LYPLAL1: variants seen among roughly 807,000 people sequenced by gnomAD.
LYPLAL1 encodes lysophospholipase like 1.
LYPLAL1 carries 23 observed loss-of-function variants against 19.7 expected under a neutral mutation model. The ratio of observed to expected loss-of-function variants is 1.17; its 90% CI spans 0.84 to 1.65. The LOEUF is 1.65. Ranked by LOEUF, LYPLAL1 falls within the 40% of genes most tolerant of loss-of-function variation. LYPLAL1 has a pLI of 0.00. For missense variants in LYPLAL1, 355 were observed against 279.4 expected (o/e 1.27, Z -1.93); for synonymous variants, 119 against 96.3 (o/e 1.24, Z -1.38).
the LYPLAL1 span, among the ~76,000 whole-genome samples, chr1:219,307,723 T>C: frequency 6.6e-6 from 1 of 152,164 alleles, no homozygotes; most frequent in Non-Finnish European, 1.5e-5. Flanking sequence ...GGAGATAGTT[T>C]GAATCATGGA....
At chr1:219,428,180 A>G in the LYPLAL1 span, among the ~76,000 whole-genome samples, 5 of 152,206 alleles carry the variant, frequency 3.3e-5, no homozygotes, top group Non-Finnish European at 5.9e-5. Context: ...AGCAGTGGGT[A>G]TTCAGTGGAA....
At chr1:219,305,109 C>G in the LYPLAL1 span, among the ~76,000 whole-genome samples, 1 of 152,152 alleles carries the variant, frequency 6.6e-6, no homozygotes, top group Non-Finnish European at 1.5e-5. Flanking sequence ...GGACCACAGT[C>G]TGTTCTTACA....
At chr1:219,300,610 C>T in the LYPLAL1 span, among the ~76,000 whole-genome samples, 2 of 145,778 alleles carry the variant, frequency 1.4e-5, no homozygotes, top group African/African-American at 2.6e-5. Flanking sequence ...TCTGGGCTCA[C>T]TGCAAGCTCT....
At chr1:219,221,694 C>T in the LYPLAL1 span, among the ~76,000 whole-genome samples, 1 of 152,258 alleles carries the variant, frequency 6.6e-6, no homozygotes, top group South Asian at 2.1e-4. Flanking sequence ...CAGAGGCTCC[C>T]GTTGGCAACA....
At chr1:219,199,400 G>A (rs1394587845) in intron 3 of LYPLAL1, among the ~76,000 whole-genome samples, 1 of 151,580 alleles carries the variant, frequency 6.6e-6, no homozygotes, top group African/African-American at 2.4e-5. Flanking sequence ...AATTGTACAA[G>A]TAAGCATGAT....
chr1:219,245,980 G>A, the LYPLAL1 span, among the ~76,000 whole-genome samples: 4 of 152,186 alleles, frequency 2.6e-5, no homozygotes, highest in Admixed American at 2.6e-4. Flanking sequence ...TGTGTCGGGG[G>A]ATGTGGGGAG....
chr1:219,345,390 T>G, the LYPLAL1 span, among the ~76,000 whole-genome samples: 1 of 152,306 alleles, frequency 6.6e-6, no homozygotes, highest in South Asian at 2.1e-4. Context: ...GCTGCCTCTG[T>G]TTTCTCCTCT....
the LYPLAL1 span, among the ~76,000 whole-genome samples, chr1:219,301,222 A>G: frequency 1.3e-5 from 2 of 152,308 alleles, no homozygotes; most frequent in South Asian, 4.1e-4. Context: ...TGAGCATCCT[A>G]TTTATTCAAG....
chr1:219,217,178 A>T (rs1659320129), downstream of LYPLAL1, among the ~76,000 whole-genome samples: 1 of 152,140 alleles, frequency 6.6e-6, no homozygotes, highest in African/African-American at 2.4e-5. Flanking sequence ...ATCCTTATGG[A>T]TGCATTTTGC....
the LYPLAL1 span, among the ~76,000 whole-genome samples, chr1:219,304,674 AAAGT>A: frequency 2.6e-5 from 4 of 152,194 alleles, no homozygotes; most frequent in Admixed American, 6.5e-5. Context: ...TTGTGTAGTG[AAAGT>A]AAGTGAGGCA....
chr1:219,400,470 C>T, the LYPLAL1 span, among the ~76,000 whole-genome samples: 1 of 151,748 alleles, frequency 6.6e-6, no homozygotes, highest in Non-Finnish European at 1.5e-5. Context: ...AGCTGTGTGC[C>T]CTATCTATCT....
At chr1:219,379,092 T>C in the LYPLAL1 span, among the ~76,000 whole-genome samples, 1 of 152,340 alleles carries the variant, frequency 6.6e-6, no homozygotes, top group East Asian at 1.9e-4. Flanking sequence ...TCCTATACTT[T>C]AAGTTTAACC....
intron 3 of LYPLAL1, among the ~76,000 whole-genome samples, chr1:219,201,851 T>A (rs939445499): frequency 3.3e-5 from 5 of 152,230 alleles, no homozygotes; most frequent in African/African-American, 1.2e-4. Flanking sequence ...TTACCCCACT[T>A]TTCATATGCT....
the LYPLAL1 span, among the ~76,000 whole-genome samples, chr1:219,233,427 T>A: frequency 6.6e-6 from 1 of 152,170 alleles, no homozygotes; most frequent in African/African-American, 2.4e-5. Context: ...TGCACAATAG[T>A]ATTAATATAC....
chr1:219,418,561 TCTA>T, the LYPLAL1 span, among the ~76,000 whole-genome samples: 1 of 152,206 alleles, frequency 6.6e-6, no homozygotes. Context: ...ACTTCCTGCC[TCTA>T]CACATGCTCA....
chr1:219,356,439 G>A, the LYPLAL1 span, among the ~76,000 whole-genome samples: 24 of 152,280 alleles, frequency 1.6e-4, no homozygotes, highest in East Asian at 2.9e-3. Flanking sequence ...GGCGGAGGTC[G>A]CAGTGAGTTG....
At chr1:219,239,912 G>T in the LYPLAL1 span, among the ~76,000 whole-genome samples, 36 of 152,276 alleles carry the variant, frequency 2.4e-4, no homozygotes, top group African/African-American at 8.4e-4. Context: ...CAACGGATTT[G>T]CCGAAGATTC....
the LYPLAL1 span, among the ~76,000 whole-genome samples, chr1:219,392,994 G>T: frequency 3.3e-5 from 5 of 152,138 alleles, no homozygotes; most frequent in Admixed American, 6.5e-5. Context: ...TTTTGCTTGG[G>T]TCTATTGGTC....
At chr1:219,315,614 C>A in the LYPLAL1 span, among the ~76,000 whole-genome samples, 11 of 152,074 alleles carry the variant, frequency 7.2e-5, no homozygotes, top group Admixed American at 6.6e-4. Context: ...TTTCCTTGAA[C>A]CCCAAACACA....
Sources: allele counts gnomAD v4.1 joint callset (sites outside exome capture counted in the v4.1 genomes callset), GRCh38; gene constraint gnomAD v4.1.1; transcripts MANE v1.5; gene names NCBI Gene and HGNC (gene_info 2026-07-23, HGNC 2026-07-21).